The following SUN1 variants were observed in gnomAD, a reference collection of about 807,000 sequenced individuals.
The protein encoded by SUN1 is SUN domain-containing protein 1.
SUN1 carries 61 observed loss-of-function variants against 103.2 expected under a neutral mutation model. The observed-to-expected ratio is 0.59, with a 90% CI of 0.48 to 0.73. The LOEUF (loss-of-function observed/expected upper bound fraction) is 0.73. Ranked by LOEUF, SUN1 falls within the 30% of genes least tolerant of loss-of-function variation. SUN1 has a pLI of 0.00. For missense variants in SUN1, 1,052 were observed against 1,034.6 expected (o/e 1.02, Z -0.23); for synonymous variants, 490 against 425.7 (o/e 1.15, Z -1.86).
At position 832,596 on chromosome 7, in the gene SUN1, G is replaced by T; in HGVS notation, c.72G>T (p.Ala24=). 1.2e-6 allele frequency: 2 copies of T among 1,610,872 alleles called. No homozygotes were observed. The highest frequency in any genetic ancestry group is 1.7e-6 in the Non-Finnish European group (2 of 1,178,486). ...CGGAGAACACGGGCTACACGTATGC[G>T]CTCAGGTGAGTGTGCACCTGCACGT... The part of the protein sequence containing the change: ...CVPENTGYTY[A]LSSSYSSDAL... The change falls in exon 1 of 19, where the codon GCG becomes GCT. Residue 24 remains alanine (A), a synonymous_variant. Transcript: ENST00000401592.
rs180741059 is a variant in SUN1 at position 827,248 on chromosome 7, C to T, written c.-74+10575C>T. Among the ~76,000 whole-genome samples, 433 of 152,138 alleles carry T rather than the reference C, an allele frequency of 2.8e-3. 4 individuals carry two copies. The highest frequency in any genetic ancestry group is 9.8e-3 in the African/African-American group (406 of 41,518). ...TATTGGCCAGGCTGGTCTCAAACTCCTAACCTCAAGTGATCCTCCTGCCCG... is the reference window on the plus strand; with the variant it reads ...TATTGGCCAGGCTGGTCTCAAACTCTTAACCTCAAGTGATCCTCCTGCCCG... On this transcript the variant is annotated intron_variant, in intron 1 of 17. Coordinates refer to the SUN1 transcript ENST00000389574.
chr7:817,291 C>T (rs2128107488), intron 1 of SUN1: 3 of 830,404 alleles, frequency 3.6e-6, no homozygotes, highest in Non-Finnish European at 5.9e-6. Context: ...GTTGTGGTCT[C>T]TCCATGCTGC....
At chr7:824,256 A>G (rs1325216642) in intron 1 of SUN1, among the ~76,000 whole-genome samples, 2 of 152,230 alleles carry the variant, frequency 1.3e-5, no homozygotes, top group East Asian at 3.8e-4. Context: ...CGTCACTGAT[A>G]ATTAAGGAAA....
chr7:824,200 C>T (rs182650253), intron 1 of SUN1, among the ~76,000 whole-genome samples: 2 of 152,220 alleles, frequency 1.3e-5, no homozygotes, highest in Non-Finnish European at 2.9e-5. Context: ...GATCTCCGCA[C>T]AGGATGAGAA....
intron 1 of SUN1, among the ~76,000 whole-genome samples, chr7:838,011 C>T (rs1298769024): frequency 6.6e-6 from 1 of 152,262 alleles, no homozygotes; most frequent in African/African-American, 2.4e-5. Flanking sequence ...GAACCTCTTT[C>T]TTAAATTGTG....
At chr7:836,321 G>T (rs1455923281) in intron 1 of SUN1, among the ~76,000 whole-genome samples, 2 of 152,204 alleles carry the variant, frequency 1.3e-5, no homozygotes, top group East Asian at 3.8e-4. Flanking sequence ...AGGCAGGAAG[G>T]GTGTGTCAGG....
intron 1 of SUN1, among the ~76,000 whole-genome samples, chr7:817,882 T>G (rs1782305782): frequency 6.6e-6 from 1 of 152,198 alleles, no homozygotes; most frequent in Non-Finnish European, 1.5e-5. Context: ...TGGGCTGGCT[T>G]TATAATTTTC....
At chr7:844,505 T>C (rs1424824934) in intron 5 of SUN1, among the ~76,000 whole-genome samples, 1 of 152,240 alleles carries the variant, frequency 6.6e-6, no homozygotes, top group East Asian at 1.9e-4. Flanking sequence ...GCCCTAAGAT[T>C]TCTCGCATCT....
Position 874,659 on chromosome 7 carries a change from A to C in SUN1, c.*1328A>C, listed in dbSNP as rs966839427. 6.6e-6 allele frequency: 1 copy of C among 152,220 alleles called. No homozygotes were observed. The highest frequency in any genetic ancestry group is 1.5e-5 in the Non-Finnish European group (1 of 68,044). The allele number at this position is 152,220 out of a possible 1,614,324, so 9.4% of individuals were successfully genotyped here. On this transcript the variant is annotated 3_prime_UTR_variant, in exon 19 of 19. Transcript: ENST00000401592. ...CAGTTAAGGCAGATAAAATGTACAG[A>C]TGTTTCATATATTACAGGTTACATA...
chr7:832,952 G>C (rs900843738), intron 1 of SUN1: 2 of 207,038 alleles, frequency 9.7e-6, no homozygotes, highest in South Asian at 2.5e-4. Flanking sequence ...GAAATAACCT[G>C]GAAAATTATT....
chr7:852,180 T>G, intron 7 of SUN1, 137 bp downstream of exon 7: 1 of 787,988 alleles, frequency 1.3e-6, no homozygotes, highest in Non-Finnish European at 2.0e-6. Flanking sequence ...ACAAAAGTGC[T>G]TTTATATTCT....
chr7:846,891 G>A (rs1157733644), intron 5 of SUN1, among the ~76,000 whole-genome samples: 1 of 152,142 alleles, frequency 6.6e-6, no homozygotes, highest in Non-Finnish European at 1.5e-5. Flanking sequence ...GCCAGCGCCT[G>A]TAATCCCAGC....
At chr7:855,189 C>G (rs370116088) in intron 11 of SUN1, among the ~76,000 whole-genome samples, 183 bp downstream of exon 11, 2 of 152,186 alleles carry the variant, frequency 1.3e-5, no homozygotes, top group Non-Finnish European at 2.9e-5. Context: ...AACATTGAAT[C>G]GGGTGTGTAA....
intron 16 of SUN1, among the ~76,000 whole-genome samples, chr7:867,755 A>T (rs10950834): frequency 2.6e-5 from 4 of 152,056 alleles, no homozygotes; most frequent in African/African-American, 4.8e-5. Context: ...ACCAGCTCCC[A>T]CCCCAGGACC....
At chr7:856,117 G>C (rs1384540524) in intron 11 of SUN1, among the ~76,000 whole-genome samples, 1 of 152,222 alleles carries the variant, frequency 6.6e-6, no homozygotes, top group Admixed American at 6.5e-5. Context: ...GGTTACAGGA[G>C]CTGCATGTTC....
intron 5 of SUN1, chr7:848,510 G>C: frequency 7.3e-7 from 1 of 1,363,930 alleles, no homozygotes; most frequent in South Asian, 1.2e-5. Context: ...TTTTCAAGTG[G>C]TTTTAATGAA....
chr7:846,990 C>G (rs1159831549), intron 5 of SUN1, among the ~76,000 whole-genome samples: 1 of 152,142 alleles, frequency 6.6e-6, no homozygotes, highest in Non-Finnish European at 1.5e-5. Context: ...GGCCACAGAG[C>G]AAGAGCTTAT....
At chr7:864,833 T>C (rs906663775) in intron 15 of SUN1, among the ~76,000 whole-genome samples, 3 of 152,080 alleles carry the variant, frequency 2.0e-5, no homozygotes, top group African/African-American at 7.2e-5. Flanking sequence ...TTCACCATGT[T>C]GGTCAGGCTG....
At chr7:826,302 C>CCCGGTCTGGGGTGGTTTGACAACG (rs1199962233) in intron 1 of SUN1, among the ~76,000 whole-genome samples, 4 of 151,544 alleles carry the variant, frequency 2.6e-5, no homozygotes, top group Non-Finnish European at 4.4e-5. Context: ...GTTTGACAAC[C>CCCGGTCTGGGGTGGTTTGACAACG]CTGGTCTGGG....
Sources: allele counts gnomAD v4.1 joint callset (sites outside exome capture counted in the v4.1 genomes callset), GRCh38; gene constraint gnomAD v4.1.1; transcripts MANE v1.5; gene names NCBI Gene and HGNC (gene_info 2026-07-23, HGNC 2026-07-21).